The following TPRN variants were observed in gnomAD, a reference collection of about 807,000 sequenced individuals.
TPRN encodes chromosome 9 open reading frame 75.
A neutral mutation model predicts 42.6 loss-of-function variants in TPRN; 32 were observed. The observed-to-expected ratio is 0.75, with a 90% CI of 0.57 to 1.01. TPRN has a LOEUF of 1.01. Ranked by LOEUF, TPRN falls within the 50% of genes least tolerant of loss-of-function variation. TPRN has a pLI of 0.00. For synonymous variants in TPRN, 541 were observed against 445.6 expected (o/e 1.21, Z -2.70); for missense variants, 1,095 against 957.5 (o/e 1.14, Z -1.90).
At chr9:137,198,056 C>G (rs1445621604) in intron 1 of TPRN, among the ~76,000 whole-genome samples, 2 of 152,182 alleles carry the variant, frequency 1.3e-5, no homozygotes, top group Non-Finnish European at 2.9e-5. Flanking sequence ...GAAACTGAGG[C>G]TGGAGGACAG....
chr9:137,196,220 G>A (rs1005172584), intron 1 of TPRN, among the ~76,000 whole-genome samples: 1 of 152,204 alleles, frequency 6.6e-6, no homozygotes, highest in African/African-American at 2.4e-5. Flanking sequence ...CCCACAGTCA[G>A]GTCCTGCTAG....
intron 3 of TPRN, 31 bp downstream of exon 3, chr9:137,192,228 C>G: frequency 6.2e-7 from 1 of 1,613,130 alleles, no homozygotes; most frequent in Non-Finnish European, 8.5e-7. Flanking sequence ...GTGTCAGACT[C>G]CCCCCAGCGC....
intron 1 of TPRN, among the ~76,000 whole-genome samples, chr9:137,196,415 C>T (rs755740047): frequency 4.6e-5 from 7 of 152,128 alleles, no homozygotes; most frequent in Non-Finnish European, 8.8e-5. Context: ...GGTAAAACCT[C>T]GTCTCTACTA....
intron 1 of TPRN, among the ~76,000 whole-genome samples, chr9:137,198,069 C>G (rs1834731565): frequency 6.6e-6 from 1 of 152,160 alleles, no homozygotes; most frequent in Non-Finnish European, 1.5e-5. Flanking sequence ...GAGGACAGCC[C>G]GCCTCAGGGG....
At chr9:137,193,245 A>G (rs28649367) in intron 1 of TPRN, 42,401 of 159,672 alleles carry the variant, frequency 0.27, 5,951 homozygotes, top group African/African-American at 0.34. Context: ...CCCCACTGTG[A>G]ACAGGGGCCT....
At chr9:137,192,211 C>T (rs776084772) in intron 3 of TPRN, 37 bp from the exon 4 acceptor site, 30 of 1,613,142 alleles carry the variant, frequency 1.9e-5, no homozygotes, top group Non-Finnish European at 2.3e-5. Flanking sequence ...CACATGGGCT[C>T]GCCCGGGTGT....
intron 1 of TPRN, among the ~76,000 whole-genome samples, chr9:137,197,797 C>A (rs146068275): frequency 3.9e-5 from 6 of 152,170 alleles, no homozygotes; most frequent in Non-Finnish European, 8.8e-5. Flanking sequence ...GATAGACCCA[C>A]GTGGCTCCAG....
rs765183845 is a variant in TPRN at position 137,199,195 on chromosome 9, T to C, written c.1517A>G (p.Lys506Arg). The C allele has an allele frequency of 5.0e-6, 8 of 1,613,074 alleles. No homozygotes were observed. Among genetic ancestry groups the C allele is most frequent in the East Asian group, 4.5e-5 (2 of 44,884 alleles). ...GTCCTGCAGAGTCCCTGGCTTCCTC[T>C]TGGGCACCACTGTGAAGGTGTTGCT... ...RGSNTFTVVP[K>R]RKPGTLQDQH... is the part of the protein sequence containing the mutation. Residue 506 changes from lysine to arginine, a missense_variant, in exon 1 of 4, where the codon AAG becomes AGG. Lys to Arg is a conservative substitution (Grantham distance 26, BLOSUM62 2). Transcript: ENST00000409012.
chr9:137,192,476 G>C lies in TPRN; in HGVS notation c.1941C>G (p.Ser647Arg). 6.2e-7 allele frequency: 1 copy of C among 1,606,246 alleles called. No homozygotes were observed. Among genetic ancestry groups the C allele is most frequent in the Non-Finnish European group, 8.5e-7 (1 of 1,176,760 alleles). The change falls in exon 2 of 4, where the codon AGC becomes AGG. Residue 647 changes from serine to arginine, a missense_variant. Coordinates refer to ENST00000409012, the MANE Select transcript of TPRN (RefSeq NM_001128228.3). ...CTGAGCTACCCTCTGGCAGCCGAGA[G>C]CTCTCGGGTCTCACGCTGCTCACAA... ...ATFVSSVRPESSRLPEGSSGL... is the reference protein window; with the variant it reads ...ATFVSSVRPERSRLPEGSSGL...
chr9:137,191,953 C>T lies in TPRN; in HGVS notation c.*159G>A, dbSNP rs551171244. On this transcript the variant is annotated 3_prime_UTR_variant, in exon 4 of 4. Coordinates refer to ENST00000409012, the MANE Select transcript of TPRN (RefSeq NM_001128228.3). ...GGGGAGTGAGACCCAGACCTGGCCC[C>T]GATGGCAGGAGGCACCCTAGCTGCT... The T allele has an allele frequency of 5.7e-5, 51 of 896,406 alleles. No individual in the cohort carries two copies. The Admixed American group carries it at 6.7e-4, about 12-fold the overall frequency. 55.5% of individuals were successfully genotyped at this position (896,406 alleles called of 1,614,324 possible).
In TPRN at chr9:137,199,102, A is replaced by T; in HGVS notation, c.1610T>A (p.Leu537His). 6.2e-7 allele frequency: 1 copy of T among 1,613,220 alleles called. No homozygotes were observed. The highest frequency in any genetic ancestry group is 8.5e-7 in the Non-Finnish European group (1 of 1,179,984). Reference sequence around the variant, plus strand: ...GCGCTTCTTCAACGTGGGCCCCAGGAGGCAACTAGCCTCCTCCTCCTCGGC... The same window carrying T: ...GCGCTTCTTCAACGTGGGCCCCAGGTGGCAACTAGCCTCCTCCTCCTCGGC... Reference protein sequence around the residue: ...REAEEEEASCLLGPTLKKRYP... With the variant: ...REAEEEEASCHLGPTLKKRYP... The change falls in exon 1 of 4, where the codon CTC becomes CAC. Residue 537 changes from leucine to histidine, a missense_variant. Coordinates refer to ENST00000409012, the MANE Select transcript of TPRN (RefSeq NM_001128228.3).
In TPRN at chr9:137,199,226, G is replaced by A. The variant is rs755042394; in HGVS notation, c.1486C>T (p.Arg496Trp). The A allele has an allele frequency of 1.3e-5, 21 of 1,612,906 alleles. No homozygotes were observed. The highest frequency in any genetic ancestry group is 6.7e-5 in the African/African-American group (5 of 74,932). ...ACCACTGTGAAGGTGTTGCTGCCCCGGGGCTGAAGCTCTGCCACGCACCCG... is the reference window on the plus strand; with the variant it reads ...ACCACTGTGAAGGTGTTGCTGCCCCAGGGCTGAAGCTCTGCCACGCACCCG... ...RPGCVAELQP[R>W]GSNTFTVVPK... The change falls in exon 1 of 4, where the codon CGG becomes TGG. Residue 496 changes from arginine (R) to tryptophan (W), a missense_variant. Coordinates refer to ENST00000409012, the MANE Select transcript of TPRN (RefSeq NM_001128228.3).
rs1352772744 is a variant in TPRN at position 137,191,903 on chromosome 9, C to T, written c.*209G>A. 3 of 671,184 alleles carry T rather than the reference C, an allele frequency of 4.5e-6. No homozygotes were observed. The highest frequency in any genetic ancestry group is 7.9e-6 in the Non-Finnish European group (3 of 381,352). 41.6% of individuals were successfully genotyped at this position (671,184 alleles called of 1,614,324 possible). ...CAGGCAGTTCCCCACCCCACTTCCC[C>T]CTTGGACCCTCCCAAATCAGGGCCG... is the stretch of plus-strand genomic sequence containing the variant. On this transcript the variant is annotated 3_prime_UTR_variant, in exon 4 of 4. Transcript: ENST00000409012.
intron 1 of TPRN, among the ~76,000 whole-genome samples, chr9:137,197,797 C>T (rs146068275): frequency 0.012 from 1,833 of 152,282 alleles, 33 homozygotes; most frequent in African/African-American, 0.039. Context: ...GATAGACCCA[C>T]GTGGCTCCAG....
chr9:137,194,775 C>G (rs769604757), intron 1 of TPRN: 1 of 152,302 alleles, frequency 6.6e-6, no homozygotes, highest in Non-Finnish European at 1.5e-5. Flanking sequence ...CAGCCCTCCC[C>G]TCCCACTGTG....
Position 137,200,060 on chromosome 9 carries a change from C to A in TPRN, c.652G>T (p.Ala218Ser), listed in dbSNP as rs1489449874. 6 of 1,430,916 alleles carry A rather than the reference C, an allele frequency of 4.2e-6. No individual in the cohort carries two copies. The South Asian group carries it at 4.5e-5, about 11-fold the overall frequency. 88.6% of individuals were successfully genotyped at this position (1,430,916 alleles called of 1,614,324 possible). The change falls in exon 1 of 4, where the codon GCC (alanine) becomes TCC (serine). Residue 218 changes from alanine (A) to serine (S), a missense_variant. Physicochemically the swap from Ala to Ser is moderately conservative, Grantham distance 99. Coordinates refer to ENST00000409012, the MANE Select transcript of TPRN (RefSeq NM_001128228.3). The surrounding 1 kb of genome is among the most constrained non-coding windows in gnomAD (Gnocchi z 4.3). The part of the protein sequence containing the change: ...HPRGLHRGAG[A>S]RLLSNGHSAP... ...GAGTGCCCGTTGGAGAGCAGGCGGG[C>A]GCCCGCGCCGCGGTGCAGACCCCGG... is the stretch of plus-strand genomic sequence containing the variant.
chr9:137,195,507 A>G (rs1449023946), intron 1 of TPRN, among the ~76,000 whole-genome samples: 2 of 152,208 alleles, frequency 1.3e-5, no homozygotes, highest in Non-Finnish European at 1.5e-5. Context: ...GGCAGGGAGG[A>G]GCCCAGCCTG....
Position 137,192,009 on chromosome 9 carries a change from G to T in TPRN, c.*103C>A. 7.0e-7 allele frequency: 1 copy of T among 1,437,354 alleles called. No individual in the cohort carries two copies. Among genetic ancestry groups the T allele is most frequent in the Non-Finnish European group, 9.6e-7 (1 of 1,046,736 alleles). 89.0% of individuals were successfully genotyped at this position (1,437,354 alleles called of 1,614,324 possible). On this transcript the variant is annotated 3_prime_UTR_variant, in exon 4 of 4. Transcript: ENST00000409012. ...GGCCAGGAGGGGTGGGTGGGATACA[G>T]TGAGGCCAAACAAGGCAGAAGCGGG...
rs1296793022 is a variant in TPRN, at chr9:137,200,033, C to G, written c.679G>C (p.Ala227Pro). The G allele has an allele frequency of 6.9e-7, 1 of 1,440,716 alleles. No homozygotes were observed. The allele number at this position is 1,440,716 out of a possible 1,614,324, so 89.2% of individuals were successfully genotyped here. A position where few individuals can be genotyped will look rare whatever the true frequency, so the allele number is the denominator to read the frequency against. The part of the protein sequence containing the change: ...GARLLSNGHS[A>P]PEPRAGPANR... Reference sequence around the variant, plus strand: ...GCAGGGCCGGCCCGGGGCTCAGGGGCCGAGTGCCCGTTGGAGAGCAGGCGG... The same window carrying G: ...GCAGGGCCGGCCCGGGGCTCAGGGGGCGAGTGCCCGTTGGAGAGCAGGCGG... The change falls in exon 1 of 4, where the codon GCC (alanine) becomes CCC (proline). Residue 227 changes from alanine (A) to proline (P), a missense_variant. Physicochemically the swap from Ala to Pro is conservative, Grantham distance 27 (BLOSUM62 -1). Transcript: ENST00000409012. This position sits in a 1 kb window ranked among gnomAD's most constrained non-coding sequence, Gnocchi z 4.3.
Sources: gnomAD v4.1 joint callset for allele counts (sites outside exome capture counted in the v4.1 genomes callset) on GRCh38, gnomAD v4.1.1 for gene constraint, Gnocchi (gnomAD v3.1) non-coding constraint, MANE v1.5 for transcripts, NCBI Gene and HGNC (gene_info 2026-07-23, HGNC 2026-07-21) for gene names.